Variants in MPP7 observed in about 807,000 individuals in gnomAD.
MPP7 encodes the protein MAGUK p55 scaffold protein 7.
Under a neutral mutation model 76.5 loss-of-function variants are expected in MPP7, and 60 were observed. The ratio of observed to expected loss-of-function variants is 0.78; its 90% CI spans 0.64 to 0.97. The LOEUF (loss-of-function observed/expected upper bound fraction) is 0.97, where lower values mean the gene tolerates loss of function less well. Ranked by LOEUF, MPP7 falls within the 50% of genes least tolerant of loss-of-function variation. The probability of loss-of-function intolerance (pLI) is 0.00; values close to 1 mark genes in which losing one functional copy is unlikely to be tolerated. For missense variants in MPP7, 641 were observed against 694.0 expected (o/e 0.92, Z 0.86); for synonymous variants, 237 against 244.5 (o/e 0.97, Z 0.29).
chr10:28,248,028 A>G (rs773258659), intron 1 of MPP7, among the ~76,000 whole-genome samples: 5 of 152,220 alleles, frequency 3.3e-5, no homozygotes, highest in Non-Finnish European at 7.3e-5. Flanking sequence ...GAAAAGGGGA[A>G]AAGTTAACAT....
intron 5 of MPP7, among the ~76,000 whole-genome samples, chr10:28,145,164 C>T (rs894899760): frequency 6.6e-6 from 1 of 152,154 alleles, no homozygotes. Context: ...CCGCCCGTCA[C>T]GGCCTCCCAA....
At chr10:28,143,542 T>C (rs1835596008) in intron 5 of MPP7, among the ~76,000 whole-genome samples, 1 of 152,206 alleles carries the variant, frequency 6.6e-6, no homozygotes, top group African/African-American at 2.4e-5. Flanking sequence ...TTCTTTCCTT[T>C]ATGGGTGCAT....
intron 16 of MPP7, among the ~76,000 whole-genome samples, chr10:28,056,098 C>T (rs1851543550): frequency 1.3e-5 from 2 of 152,118 alleles, no homozygotes; most frequent in South Asian, 4.2e-4. Context: ...GTTGTTGAGA[C>T]AGGGTCTCAC....
At chr10:28,207,557 C>T (rs984443869) in intron 2 of MPP7, among the ~76,000 whole-genome samples, 13 of 151,946 alleles carry the variant, frequency 8.6e-5, no homozygotes, top group Non-Finnish European at 1.8e-4. Flanking sequence ...TGGTGGTGCA[C>T]ACCTGTAGTC....
chr10:28,252,716 A>T (rs1437891796), intron 1 of MPP7, among the ~76,000 whole-genome samples: 1 of 152,124 alleles, frequency 6.6e-6, no homozygotes, highest in Non-Finnish European at 1.5e-5. Flanking sequence ...TCAACTCTTC[A>T]TAGCGGACAT....
chr10:28,182,462 T>C (rs527264404), intron 3 of MPP7, among the ~76,000 whole-genome samples: 2 of 152,306 alleles, frequency 1.3e-5, no homozygotes, highest in East Asian at 3.9e-4. Context: ...TCTACTAAAG[T>C]GTAAGATGTA....
At position 28,106,033 on chromosome 10, in the gene MPP7, G is replaced by C. The variant is rs74828204; in HGVS notation, c.952+13618C>G. On this transcript the variant is annotated intron_variant, in intron 11 of 16. Coordinates refer to ENST00000683449, the MANE Select transcript of MPP7 (RefSeq NM_001318170.2). ...ATTCTCATTCTACTTAGATGGTCCCGTTTTCTTCTATAATTGTCTGATGTA... is the reference window on the plus strand; with the variant it reads ...ATTCTCATTCTACTTAGATGGTCCCCTTTTCTTCTATAATTGTCTGATGTA... 4.3e-4 allele frequency among the ~76,000 whole-genome samples: 66 copies of C among 152,184 alleles called. 1 individual carries two copies. Among genetic ancestry groups the C allele is most frequent in the African/African-American group, 1.4e-3 (59 of 41,512 alleles).
chr10:28,124,536 C>T (rs1834950131), intron 7 of MPP7, among the ~76,000 whole-genome samples: 1 of 116,912 alleles, frequency 8.6e-6, no homozygotes, highest in Non-Finnish European at 1.6e-5. Context: ...AGTGCAGTGG[C>T]ACAATCTCGG....
chr10:28,314,683 T>C (rs536171689), intron 2 of MPP7, among the ~76,000 whole-genome samples: 1 of 152,172 alleles, frequency 6.6e-6, no homozygotes, highest in Non-Finnish European at 1.5e-5. Flanking sequence ...CTCATTTACT[T>C]TTCTGAGGCC....
intron 11 of MPP7, among the ~76,000 whole-genome samples, chr10:28,106,330 CAGAAG>C (rs940548886): frequency 1.3e-5 from 2 of 152,100 alleles, no homozygotes; most frequent in Non-Finnish European, 2.9e-5. Flanking sequence ...GGGAGAAAGT[CAGAAG>C]AGAAGTGTAG....
chr10:28,249,910 T>G (rs1839558628), intron 1 of MPP7, among the ~76,000 whole-genome samples: 1 of 152,310 alleles, frequency 6.6e-6, no homozygotes, highest in Middle Eastern at 3.4e-3. Flanking sequence ...CCTCTTCAAC[T>G]TTTGTGCACA....
chr10:28,293,167 G>C (rs1435262180), intron 1 of MPP7, among the ~76,000 whole-genome samples: 2 of 151,614 alleles, frequency 1.3e-5, no homozygotes, highest in Non-Finnish European at 2.9e-5. Context: ...TCCAACGAGA[G>C]ACTGAAAAAA....
intron 2 of MPP7, among the ~76,000 whole-genome samples, chr10:28,325,857 T>C (rs113875276): frequency 0.093 from 14,129 of 151,606 alleles, 749 homozygotes; most frequent in Middle Eastern, 0.15. Flanking sequence ...ACACCTATAG[T>C]CCCAGCTACT....
chr10:28,333,028 GAA>G (rs1333953846), intron 1 of MPP7, among the ~76,000 whole-genome samples: 1 of 152,090 alleles, frequency 6.6e-6, no homozygotes, highest in Non-Finnish European at 1.5e-5. Flanking sequence ...TCTAAGATTT[GAA>G]TCCATTCATG....
At chr10:28,292,765 G>T (rs1422264308) in intron 1 of MPP7, among the ~76,000 whole-genome samples, 2 of 152,066 alleles carry the variant, frequency 1.3e-5, no homozygotes, top group African/African-American at 4.8e-5. Flanking sequence ...AAAAATAAAA[G>T]CAAAATCCAC....
intron 2 of MPP7, among the ~76,000 whole-genome samples, chr10:28,220,762 G>C (rs1838475583): frequency 6.6e-6 from 1 of 152,128 alleles, no homozygotes; most frequent in Non-Finnish European, 1.5e-5. Context: ...TTTTCTCCTA[G>C]AGCTGTTATC....
intron 3 of MPP7, among the ~76,000 whole-genome samples, chr10:28,156,084 A>C (rs1403832022): frequency 6.6e-6 from 1 of 152,262 alleles, no homozygotes; most frequent in African/African-American, 2.4e-5. Context: ...CAGTTTTAAA[A>C]GATGAAGTAT....
At chr10:28,230,266 A>C (rs1838836573) in intron 2 of MPP7, among the ~76,000 whole-genome samples, 2 of 152,184 alleles carry the variant, frequency 1.3e-5, no homozygotes, top group South Asian at 4.1e-4. Context: ...GTAGATTTTA[A>C]ATTTTAAAAG....
chr10:28,090,894 G>A (rs1394635603), intron 11 of MPP7, among the ~76,000 whole-genome samples: 1 of 152,158 alleles, frequency 6.6e-6, no homozygotes, highest in Non-Finnish European at 1.5e-5. Context: ...TATAATCCCA[G>A]CACTTTGGGA....
Sources: allele counts gnomAD v4.1 joint callset (sites outside exome capture counted in the v4.1 genomes callset), GRCh38; gene constraint gnomAD v4.1.1; transcripts MANE v1.5; gene names NCBI Gene and HGNC (gene_info 2026-07-23, HGNC 2026-07-21).